NREP: variants seen among roughly 807,000 people sequenced by gnomAD.
NREP encodes the protein neuronal regeneration related protein.
Under a neutral mutation model 8.6 loss-of-function variants are expected in NREP, and 5 were observed. The ratio of observed to expected loss-of-function variants is 0.58; its 90% CI spans 0.30 to 1.22. The LOEUF (loss-of-function observed/expected upper bound fraction) is 1.22. Ranked by LOEUF, NREP falls within the 50% of genes most tolerant of loss-of-function variation. NREP has a pLI of 0.07. For missense variants in NREP, 86 were observed against 82.5 expected, an observed-to-expected ratio of 1.04 and a Z score of -0.17; for synonymous variants, 27 against 28.0, an observed-to-expected ratio of 0.96 and a Z score of 0.11.
intron 2 of NREP, among the ~76,000 whole-genome samples, chr5:111,744,289 G>GT (rs796937986): frequency 4.9e-4 from 75 of 152,158 alleles, no homozygotes; most frequent in African/African-American, 1.7e-3. Flanking sequence ...TTAAAAACTG[G>GT]TATCTCTTCA....
chr5:111,775,989 T>TA (rs894188610), intron 2 of NREP, among the ~76,000 whole-genome samples: 14 of 152,052 alleles, frequency 9.2e-5, no homozygotes, highest in Admixed American at 6.6e-5. Context: ...ATTAAAACTA[T>TA]AAAAAACCAT....
At chr5:111,851,219 T>C (rs1753301688) in intron 2 of NREP, among the ~76,000 whole-genome samples, 1 of 152,216 alleles carries the variant, frequency 6.6e-6, no homozygotes, top group Non-Finnish European at 1.5e-5. Flanking sequence ...GATATGTCTT[T>C]CCTTTTTTAT....
chr5:111,786,003 C>T (rs943472780), intron 2 of NREP, among the ~76,000 whole-genome samples: 1 of 152,116 alleles, frequency 6.6e-6, no homozygotes, highest in Non-Finnish European at 1.5e-5. Flanking sequence ...TAGTGTGGAG[C>T]AGGAAAAGGC....
In NREP at chr5:111,755,782, C is replaced by G; in HGVS notation, c.-10G>C. ...GACCAAGTCTTACCATTTTGAGAAT[C>G]TTAGTCTTGGGCTTCTATTCTCCCT... is the stretch of plus-strand genomic sequence containing the variant. On this transcript the variant is annotated 5_prime_UTR_variant, in exon 2 of 4. Transcript: ENST00000257435. The G allele has an allele frequency of 6.2e-7, 1 of 1,613,860 alleles. No individual in the cohort carries two copies. Among genetic ancestry groups the G allele is most frequent in the Non-Finnish European group, 8.5e-7 (1 of 1,179,792 alleles).
At chr5:111,781,019 A>G (rs929537912) in intron 2 of NREP, among the ~76,000 whole-genome samples, 8 of 151,994 alleles carry the variant, frequency 5.3e-5, no homozygotes, top group African/African-American at 1.9e-4. Context: ...TTCTTAAAAA[A>G]CTTTAAGTTC....
chr5:111,941,132 A>G (rs1755817768), intron 2 of NREP, among the ~76,000 whole-genome samples: 1 of 152,078 alleles, frequency 6.6e-6, no homozygotes, highest in Non-Finnish European at 1.5e-5. Flanking sequence ...ATGGACATCA[A>G]ACTTTTCTTT....
chr5:111,835,011 TATGAA>T (rs1752860304), intron 2 of NREP, among the ~76,000 whole-genome samples: 2 of 152,312 alleles, frequency 1.3e-5, no homozygotes, highest in South Asian at 4.1e-4. Context: ...AGGCACCTCC[TATGAA>T]ATGAAATGTA....
intron 2 of NREP, among the ~76,000 whole-genome samples, chr5:111,736,121 T>G (rs1358841369): frequency 6.6e-6 from 1 of 152,138 alleles, no homozygotes; most frequent in Non-Finnish European, 1.5e-5. Context: ...GGAGTGGAAC[T>G]GAGTAACTCT....
intron 3 of NREP, chr5:111,734,643 AC>A: frequency 1.6e-6 from 1 of 640,000 alleles, no homozygotes; most frequent in Non-Finnish European, 2.8e-6. Context: ...ACATTGAAAT[AC>A]CAGTAACAGC....
chr5:111,771,426 T>TACACACACACACACAC (rs111799670), intron 2 of NREP, among the ~76,000 whole-genome samples: 1 of 147,200 alleles, frequency 6.8e-6, no homozygotes, highest in Non-Finnish European at 1.5e-5. Flanking sequence ...CATAGTCTTT[T>TACACACACACACACAC]ACACACACAC....
chr5:111,749,139 A>G lies in NREP; in HGVS notation c.3+6631T>C, dbSNP rs141130343. 2.8e-3 allele frequency among the ~76,000 whole-genome samples: 425 copies of G among 152,290 alleles called. 2 individuals are homozygous for G. Among genetic ancestry groups the G allele is most frequent in the African/African-American group, 1.0e-2 (415 of 41,564 alleles). On this transcript the variant is annotated intron_variant, in intron 2 of 3. Transcript: ENST00000257435. ...AAAATACAATCCACTATGGCTAGAA[A>G]TAAAGGATTAATTCATATAGTTCCT...
At chr5:111,803,842 C>A (rs149818044) in intron 2 of NREP, among the ~76,000 whole-genome samples, 1 of 152,190 alleles carries the variant, frequency 6.6e-6, no homozygotes, top group African/African-American at 2.4e-5. Flanking sequence ...ATAAACTTAA[C>A]AAGATATGTA....
chr5:111,758,133 T>C, upstream of NREP: 3 of 985,378 alleles, frequency 3.0e-6, no homozygotes, highest in Non-Finnish European at 3.6e-6. Context: ...CTCAGCTGGG[T>C]ACGCGCGCCC....
At chr5:111,826,026 T>A (rs555870615) in intron 2 of NREP, among the ~76,000 whole-genome samples, 1 of 151,468 alleles carries the variant, frequency 6.6e-6, no homozygotes, top group Non-Finnish European at 1.5e-5. Context: ...CAGTCTCAGC[T>A]CACTGTAACC....
At chr5:111,964,697 G>A (rs771721341) in intron 2 of NREP, among the ~76,000 whole-genome samples, 2 of 151,812 alleles carry the variant, frequency 1.3e-5, no homozygotes, top group Non-Finnish European at 2.9e-5. Flanking sequence ...ACAACTGGCT[G>A]TGTCCAGTTT....
intron 2 of NREP, among the ~76,000 whole-genome samples, chr5:111,942,055 T>C (rs1581237409): frequency 6.6e-6 from 1 of 152,062 alleles, no homozygotes; most frequent in African/African-American, 2.4e-5. Context: ...GTAAGAGTAC[T>C]TGTCTCAAAG....
intron 2 of NREP, among the ~76,000 whole-genome samples, chr5:111,805,693 A>G (rs1195956511): frequency 2.0e-5 from 3 of 152,226 alleles, no homozygotes; most frequent in Non-Finnish European, 2.9e-5. Flanking sequence ...ACTTCAGCAA[A>G]TAAGTTCAGG....
At chr5:111,886,001 A>C (rs1257323179) in intron 2 of NREP, among the ~76,000 whole-genome samples, 6 of 152,238 alleles carry the variant, frequency 3.9e-5, no homozygotes. Context: ...GAGCTTCTGC[A>C]CAGCAAAAGA....
chr5:111,776,309 A>G (rs1268374586), intron 2 of NREP, among the ~76,000 whole-genome samples: 3 of 152,166 alleles, frequency 2.0e-5, no homozygotes, highest in Admixed American at 6.5e-5. Flanking sequence ...CTTTATTAAG[A>G]GTGGGCTAGT....
Sources: allele counts gnomAD v4.1 joint callset (sites outside exome capture counted in the v4.1 genomes callset), GRCh38; gene constraint gnomAD v4.1.1; transcripts MANE v1.5; gene names NCBI Gene and HGNC (gene_info 2026-07-23, HGNC 2026-07-21).